The following FARP2 variants were observed in gnomAD, a reference collection of about 807,000 sequenced individuals.
The protein encoded by FARP2 is FERM, ARH/RhoGEF and pleckstrin domain protein 2.
FARP2 carries 111 observed loss-of-function variants against 130.5 expected under a neutral mutation model. The ratio of observed to expected loss-of-function variants is 0.85; its 90% CI spans 0.73 to 1.00. The LOEUF (loss-of-function observed/expected upper bound fraction) is 1.00, where lower values mean the gene tolerates loss of function less well. Among genes scored for constraint, FARP2 ranks in the 50% least tolerant of loss-of-function variants. The pLI is 0.00. For missense variants in FARP2, 1,385 were observed against 1,346.3 expected (o/e 1.03, Z -0.45); for synonymous variants, 504 against 516.9 (o/e 0.98, Z 0.34).
At position 241,463,856 on chromosome 2, in the gene FARP2, AG is replaced by A. The variant is rs756651484; in HGVS notation, c.1812-42del. The A allele has an allele frequency of 1.9e-6, 3 of 1,549,866 alleles. No homozygotes were observed. The East Asian group carries it at 6.8e-5, about 35-fold the overall frequency. ...GCGTCAGATTACAGTGCCTTCTGCAAGCTTTCACCATGTTTAGGATGACTTT... is the reference window on the plus strand; with the variant it reads ...GCGTCAGATTACAGTGCCTTCTGCAACTTTCACCATGTTTAGGATGACTTT... On this transcript the variant is annotated intron_variant, in intron 16 of 26. Coordinates refer to ENST00000264042, the MANE Select transcript of FARP2 (RefSeq NM_014808.4).
At chr2:241,370,818 A>G (rs2061408124) in intron 1 of FARP2, among the ~76,000 whole-genome samples, 1 of 152,200 alleles carries the variant, frequency 6.6e-6, no homozygotes, top group Admixed American at 6.5e-5. Context: ...CAGTGACATT[A>G]AGTAAATACT....
chr2:241,403,923 G>GT lies in FARP2; in HGVS notation c.280dup (p.Ser94PhefsTer7). Reference sequence around the variant, plus strand: ...TCGGGATGGAGTTTCAAAATACTCAGTCCTACTGGGTAAGTGCTTATGACG... The same window carrying GT: ...TCGGGATGGAGTTTCAAAATACTCAGTTCCTACTGGGTAAGTGCTTATGACG... On this transcript the variant is annotated frameshift_variant, in exon 3 of 27. Coordinates refer to ENST00000264042, the MANE Select transcript of FARP2 (RefSeq NM_014808.4). LOFTEE classifies it high-confidence loss of function. 1 of 1,601,568 alleles carries GT rather than the reference G, an allele frequency of 6.2e-7. No individual in the cohort carries two copies. Among genetic ancestry groups the GT allele is most frequent in the Non-Finnish European group, 8.6e-7 (1 of 1,168,510 alleles).
chr2:241,471,928 G>T (rs78604310), intron 18 of FARP2, among the ~76,000 whole-genome samples: 9 of 60,750 alleles, frequency 1.5e-4, no homozygotes, highest in African/African-American at 2.4e-4. Context: ...GTTCTGAGGG[G>T]ATTATGTTCT....
At chr2:241,477,139 T>A (rs1307424654) in intron 19 of FARP2, among the ~76,000 whole-genome samples, 1 of 149,636 alleles carries the variant, frequency 6.7e-6, no homozygotes, top group Non-Finnish European at 1.5e-5. Flanking sequence ...TTTTTTTTTT[T>A]TTTTTATTTG....
At chr2:241,365,972 CTCTT>C (rs2061294071) in intron 1 of FARP2, among the ~76,000 whole-genome samples, 1 of 146,134 alleles carries the variant, frequency 6.8e-6, no homozygotes, top group Non-Finnish European at 1.5e-5. Flanking sequence ...TTGGTTTATG[CTCTT>C]TTTTTTTTTT....
intron 6 of FARP2, 22 bp from the exon 7 acceptor site, chr2:241,413,285 A>G (rs2062572588): frequency 1.4e-6 from 2 of 1,442,992 alleles, no homozygotes; most frequent in African/African-American, 1.4e-5. Flanking sequence ...AAAATTAGTT[A>G]CTTACTTTTA....
In FARP2 at chr2:241,462,538, G is replaced by A. The variant is rs779432177; in HGVS notation, c.1603G>A (p.Glu535Lys). 3.7e-6 allele frequency: 6 copies of A among 1,613,738 alleles called. No homozygotes were observed. Among genetic ancestry groups the A allele is most frequent in the East Asian group, 2.2e-5 (1 of 44,882 alleles). ...CTTCTTTCAGCGCGTGCCTGCAGAC[G>A]AGGCCTACTTCATAGTCAAAGAGAT... Reference protein sequence around the residue: ...EPRHKRVPADEAYFIVKEILA... With the variant: ...EPRHKRVPADKAYFIVKEILA... The change falls in exon 15 of 27, where the codon GAG becomes AAG. Residue 535 changes from glutamate (E) to lysine (K), a missense_variant. Transcript: ENST00000264042.
In FARP2 at chr2:241,463,849, T is replaced by C. The variant is rs576448190; in HGVS notation, c.1812-50T>C. The stretch of plus-strand genomic sequence containing the variant: ...TCACCCTGCGTCAGATTACAGTGCC[T>C]TCTGCAAGCTTTCACCATGTTTAGG... On this transcript the variant is annotated intron_variant, in intron 16 of 26. Coordinates refer to ENST00000264042, the MANE Select transcript of FARP2 (RefSeq NM_014808.4). 2.0e-4 allele frequency: 301 copies of C among 1,510,906 alleles called. 1 individual carries two copies. In the South Asian group the frequency reaches 3.3e-3, roughly 17 times the overall value. The allele number at this position is 1,510,906 out of a possible 1,614,324, so 93.6% of individuals were successfully genotyped here. A position where few individuals can be genotyped will look rare whatever the true frequency, so the allele number is the denominator to read the frequency against.
chr2:241,359,939 G>A (rs2061148875), intron 1 of FARP2, among the ~76,000 whole-genome samples: 1 of 152,164 alleles, frequency 6.6e-6, no homozygotes, highest in Admixed American at 6.5e-5. Context: ...TACAGGACAC[G>A]GTAGCTGTTG....
chr2:241,479,785 A>C (rs1439735125), intron 19 of FARP2, among the ~76,000 whole-genome samples: 1 of 152,202 alleles, frequency 6.6e-6, no homozygotes, highest in African/African-American at 2.4e-5. Context: ...GGTGCCTGTC[A>C]GTGCCATGTC....
At chr2:241,462,479 C>A (rs769191710) in intron 14 of FARP2, 44 bp from the exon 15 acceptor site, 1 of 1,423,282 alleles carries the variant, frequency 7.0e-7, no homozygotes, top group Non-Finnish European at 9.9e-7. Flanking sequence ...TGGGAGGGTC[C>A]CATGTCCCAG....
In FARP2 at chr2:241,418,188, T is replaced by A. The variant is rs566857034; in HGVS notation, c.771+79T>A. On this transcript the variant is annotated intron_variant, in intron 8 of 26. Transcript: ENST00000264042. ...ACCTGGTGGGGTTTGTTCTTATAGA[T>A]GTTAGTAAATATTTGTCCTGATGAG... 8.7e-6 allele frequency: 13 copies of A among 1,499,704 alleles called. No homozygotes were observed. In the African/African-American group the frequency reaches 1.5e-4, roughly 18 times the overall value. 92.9% of individuals were successfully genotyped at this position (1,499,704 alleles called of 1,614,324 possible).
chr2:241,387,717 C>T (rs762935796), intron 2 of FARP2, among the ~76,000 whole-genome samples: 25 of 149,768 alleles, frequency 1.7e-4, no homozygotes, highest in Non-Finnish European at 2.8e-4. Flanking sequence ...GGCGTGAACC[C>T]GGGAGGCGGA....
chr2:241,408,398 C>T (rs1418715994), intron 5 of FARP2, among the ~76,000 whole-genome samples: 1 of 151,338 alleles, frequency 6.6e-6, no homozygotes, highest in Non-Finnish European at 1.5e-5. Flanking sequence ...AGAAAATTAT[C>T]CAGGCGTGGT....
At chr2:241,425,286 C>T (rs146567810) in intron 8 of FARP2, among the ~76,000 whole-genome samples, 126 of 151,942 alleles carry the variant, frequency 8.3e-4, no homozygotes, top group African/African-American at 2.9e-3. Context: ...GATTTCATGA[C>T]GAAAATGCCA....
At chr2:241,415,441 G>A (rs922884904) in intron 7 of FARP2, among the ~76,000 whole-genome samples, 3 of 152,186 alleles carry the variant, frequency 2.0e-5, no homozygotes, top group Non-Finnish European at 4.4e-5. Flanking sequence ...CACACAGCAG[G>A]GGCTGGACAT....
intron 6 of FARP2, among the ~76,000 whole-genome samples, chr2:241,412,937 C>T (rs139522453): frequency 6.6e-6 from 1 of 152,056 alleles, no homozygotes; most frequent in Admixed American, 6.6e-5. Context: ...CTGAGGCGGG[C>T]AGATTGCTTG....
At chr2:241,361,769 A>C (rs965571298) in intron 1 of FARP2, among the ~76,000 whole-genome samples, 1 of 152,188 alleles carries the variant, frequency 6.6e-6, no homozygotes, top group Non-Finnish European at 1.5e-5. Context: ...TGAAGGTGCT[A>C]AGTGAATCTT....
intron 8 of FARP2, among the ~76,000 whole-genome samples, chr2:241,425,287 G>A (rs996624706): frequency 6.6e-5 from 10 of 152,042 alleles, no homozygotes; most frequent in Admixed American, 5.9e-4. Context: ...ATTTCATGAC[G>A]AAAATGCCAA....
Sources: allele counts gnomAD v4.1 joint callset (sites outside exome capture counted in the v4.1 genomes callset), GRCh38; gene constraint gnomAD v4.1.1; transcripts MANE v1.5; gene names NCBI Gene and HGNC (gene_info 2026-07-23, HGNC 2026-07-21).